PARD3: variants seen among roughly 807,000 people sequenced by gnomAD.
The protein encoded by PARD3 is par-3 family cell polarity regulator.
Under a neutral mutation model 155.4 loss-of-function variants are expected in PARD3, and 75 were observed. The observed-to-expected ratio is 0.48, with a 90% CI of 0.40 to 0.58. The LOEUF is 0.58. Ranked by LOEUF, PARD3 falls within the 20% of genes least tolerant of loss-of-function variation. The pLI, the probability that PARD3 is intolerant of heterozygous loss-of-function variation, is 0.00. For synonymous variants in PARD3, 576 were observed against 610.5 expected, an observed-to-expected ratio of 0.94 and a Z score of 0.83; for missense variants, 1,642 against 1,721.7, an observed-to-expected ratio of 0.95 and a Z score of 0.82.
chr10:34,638,639 T>C (rs1411042844), intron 2 of PARD3, among the ~76,000 whole-genome samples: 1 of 152,206 alleles, frequency 6.6e-6, no homozygotes, highest in Non-Finnish European at 1.5e-5. Context: ...GGCAGTGCCC[T>C]CTGCTGGACA....
At chr10:34,265,547 C>T (rs1955259974) in intron 22 of PARD3, among the ~76,000 whole-genome samples, 1 of 152,188 alleles carries the variant, frequency 6.6e-6, no homozygotes. Flanking sequence ...TAGTAAAGGT[C>T]ACTGGACACC....
chr10:34,552,537 A>T (rs2084667189), intron 2 of PARD3, among the ~76,000 whole-genome samples: 1 of 152,202 alleles, frequency 6.6e-6, no homozygotes, highest in Non-Finnish European at 1.5e-5. Context: ...GTGAAACACC[A>T]TCTCTACTAA....
intron 5 of PARD3, among the ~76,000 whole-genome samples, chr10:34,436,813 G>GA (rs947654199): frequency 2.4e-4 from 36 of 147,634 alleles, no homozygotes; most frequent in Middle Eastern, 3.4e-3. Flanking sequence ...GCTATATTAA[G>GA]AAAAAAAAAA....
intron 2 of PARD3, among the ~76,000 whole-genome samples, chr10:34,681,545 G>A (rs2093819697): frequency 6.6e-6 from 1 of 150,562 alleles, no homozygotes; most frequent in African/African-American, 2.4e-5. Context: ...AAGAAAAAAA[G>A]GATACAAAAC....
chr10:34,383,530 A>G (rs1035346084), intron 8 of PARD3, among the ~76,000 whole-genome samples: 17 of 152,148 alleles, frequency 1.1e-4, no homozygotes, highest in African/African-American at 4.1e-4. Context: ...GTCACAGTGC[A>G]CCCATACAAC....
intron 22 of PARD3, among the ~76,000 whole-genome samples, chr10:34,266,070 C>T (rs1056766698): frequency 2.0e-5 from 3 of 152,060 alleles, no homozygotes; most frequent in Non-Finnish European, 2.9e-5. Context: ...ATGGCTTTGC[C>T]ATTTTTGTAT....
At chr10:34,425,874 A>G (rs998515983) in intron 5 of PARD3, among the ~76,000 whole-genome samples, 7 of 152,186 alleles carry the variant, frequency 4.6e-5, no homozygotes, top group African/African-American at 1.7e-4. Context: ...CCAAATTTCT[A>G]TTCAACTGTC....
At chr10:34,736,648 TAATTA>T (rs2094919329) in intron 1 of PARD3, among the ~76,000 whole-genome samples, 1 of 117,014 alleles carries the variant, frequency 8.5e-6, no homozygotes, top group Non-Finnish European at 1.9e-5. Context: ...CTTTATTAAT[TAATTA>T]ATTTATTTAT....
Position 34,360,126 on chromosome 10 carries a change from T to A in PARD3, c.1841A>T (p.His614Leu). The part of the protein sequence containing the change: ...SVKGNRSKEN[H>L]ADLGIFVKSI... ...CTTGACAAAGATTCCCAAATCTGCG[T>A]GGTTCTCTTTTGACCGGTTACCTTT... Residue 614 changes from histidine to leucine, a missense_variant, in exon 13 of 25, where the codon CAC becomes CTC. Transcript: ENST00000374788. The A allele has an allele frequency of 6.2e-7, 1 of 1,614,170 alleles. No individual in the cohort carries two copies. Among genetic ancestry groups the A allele is most frequent in the Non-Finnish European group, 8.5e-7 (1 of 1,180,004 alleles).
chr10:34,757,356 C>T (rs1252452468), intron 1 of PARD3, among the ~76,000 whole-genome samples: 2 of 152,218 alleles, frequency 1.3e-5, no homozygotes, highest in East Asian at 3.8e-4. Flanking sequence ...TACAGCCTGT[C>T]CTTCATCTAC....
chr10:34,575,110 G>A (rs1012196219), intron 2 of PARD3, among the ~76,000 whole-genome samples: 1 of 152,108 alleles, frequency 6.6e-6, no homozygotes, highest in Non-Finnish European at 1.5e-5. Flanking sequence ...CTCCCAAAGT[G>A]CTGGGATTAC....
At chr10:34,649,865 T>C (rs185840182) in intron 2 of PARD3, among the ~76,000 whole-genome samples, 1 of 152,334 alleles carries the variant, frequency 6.6e-6, no homozygotes, top group East Asian at 1.9e-4. Context: ...CCTTATCCTA[T>C]AAACTTTTTT....
chr10:34,812,938 C>G (rs1191079979), intron 1 of PARD3, among the ~76,000 whole-genome samples: 2 of 152,214 alleles, frequency 1.3e-5, no homozygotes, highest in African/African-American at 4.8e-5. Context: ...GCCCTGCACT[C>G]TAGCCACCCA....
chr10:34,485,706 T>C (rs1232327879), intron 3 of PARD3, among the ~76,000 whole-genome samples: 6 of 152,098 alleles, frequency 3.9e-5, no homozygotes, highest in African/African-American at 1.4e-4. Flanking sequence ...GTAGCAGGCT[T>C]CAGGGAGAAT....
intron 2 of PARD3, among the ~76,000 whole-genome samples, chr10:34,519,924 G>C (rs1240512474): frequency 6.6e-6 from 1 of 150,884 alleles, no homozygotes; most frequent in Non-Finnish European, 1.5e-5. Flanking sequence ...AACTTCTAAG[G>C]ATCCACACTG....
intron 1 of PARD3, among the ~76,000 whole-genome samples, chr10:34,789,321 C>T (rs527750165): frequency 2.0e-5 from 3 of 152,200 alleles, no homozygotes; most frequent in Non-Finnish European, 2.9e-5. Flanking sequence ...AAAATTTTTG[C>T]GAGACATGGG....
Position 34,614,465 on chromosome 10 carries a change from T to G in PARD3, c.222+81853A>C, listed in dbSNP as rs145138303. On this transcript the variant is annotated intron_variant, in intron 2 of 24. Transcript: ENST00000374788. The stretch of plus-strand genomic sequence containing the variant: ...CCTATTCTAGGGTAACAAGGCTGAT[T>G]ATGAATGATAAACAGTTTATTAACA... Among the ~76,000 whole-genome samples the G allele has an allele frequency of 6.6e-3, 1,006 of 152,346 alleles. 10 individuals are homozygous for G. Among genetic ancestry groups the G allele is most frequent in the African/African-American group, 0.023 (964 of 41,586 alleles).
At chr10:34,322,038 C>A (rs1958414410) in intron 19 of PARD3, among the ~76,000 whole-genome samples, 1 of 152,076 alleles carries the variant, frequency 6.6e-6, no homozygotes, top group Admixed American at 6.6e-5. Context: ...CCATTTCTCC[C>A]TTTATTCTTC....
chr10:34,496,854 T>C (rs1008107069), intron 3 of PARD3, among the ~76,000 whole-genome samples: 11 of 152,248 alleles, frequency 7.2e-5, no homozygotes, highest in African/African-American at 2.2e-4. Context: ...ATAGCTTAAG[T>C]ATTTTTGTTA....
Sources: gnomAD v4.1 joint callset for allele counts (sites outside exome capture counted in the v4.1 genomes callset) on GRCh38, gnomAD v4.1.1 for gene constraint, MANE v1.5 for transcripts, NCBI Gene and HGNC (gene_info 2026-07-23, HGNC 2026-07-21) for gene names.